Variants in ZFAT observed in about 807,000 individuals in gnomAD.
ZFAT encodes zinc finger and AT-hook domain containing, also known as zinc finger protein ZFAT.
A neutral mutation model predicts 117.7 loss-of-function variants in ZFAT; 64 were observed. The ratio of observed to expected loss-of-function variants is 0.54; its 90% CI spans 0.44 to 0.67. The LOEUF is 0.67. ZFAT is among the 30% of genes least tolerant of loss of function. ZFAT has a pLI of 0.00. For missense variants in ZFAT, 1,433 were observed against 1,584.5 expected, an observed-to-expected ratio of 0.90 and a Z score of 1.62; for synonymous variants, 679 against 615.0, an observed-to-expected ratio of 1.10 and a Z score of -1.54.
intron 12 of ZFAT, 22 bp downstream of exon 12, chr8:134,532,812 A>C: frequency 6.2e-7 from 1 of 1,607,440 alleles, no homozygotes; most frequent in Admixed American, 1.7e-5. Context: ...GCAGGGCCCC[A>C]GCTCGCTGGC....
the ZFAT span, among the ~76,000 whole-genome samples, chr8:134,768,807 CT>C: frequency 6.6e-6 from 1 of 152,210 alleles, no homozygotes; most frequent in Non-Finnish European, 1.5e-5. Context: ...CATGTTGTCA[CT>C]TTTCAAAACC....
rs1360903571 is a variant in ZFAT, at chr8:134,629,380, T to C, written c.448+8081A>G. On this transcript the variant is annotated intron_variant, in intron 3 of 15. Coordinates refer to ENST00000377838, the MANE Select transcript of ZFAT (RefSeq NM_020863.4). ...ACCATGCGGCCGTCACTAGTGACGGTCACCAAGCATTTCCAGGGCTCCCCT... is the reference window on the plus strand; with the variant it reads ...ACCATGCGGCCGTCACTAGTGACGGCCACCAAGCATTTCCAGGGCTCCCCT... 2.0e-5 allele frequency among the ~76,000 whole-genome samples: 3 copies of C among 151,946 alleles called. No homozygotes were observed. The East Asian group carries it at 5.8e-4, about 29-fold the overall frequency.
intron 2 of ZFAT, among the ~76,000 whole-genome samples, chr8:134,641,667 G>A (rs898891119): frequency 1.3e-5 from 2 of 152,214 alleles, no homozygotes; most frequent in Non-Finnish European, 2.9e-5. Context: ...GGTCTCGAAC[G>A]GAGCTGGATG....
the ZFAT span, among the ~76,000 whole-genome samples, chr8:134,750,418 A>T: frequency 6.6e-6 from 1 of 152,150 alleles, no homozygotes; most frequent in Non-Finnish European, 1.5e-5. Context: ...TTTTTTCCTT[A>T]CAACTCTTGT....
chr8:134,821,791 A>C, the ZFAT span, among the ~76,000 whole-genome samples: 1 of 152,150 alleles, frequency 6.6e-6, no homozygotes, highest in African/African-American at 2.4e-5. Flanking sequence ...ACTTGAGGAG[A>C]TCAAATTGGG....
Position 134,601,976 on chromosome 8 carries a change from C to T in ZFAT, c.1743G>A (p.Val581=). 1 of 1,613,744 alleles carries T rather than the reference C, an allele frequency of 6.2e-7. No homozygotes were observed. The highest frequency in any genetic ancestry group is 8.5e-7 in the Non-Finnish European group (1 of 1,179,942). Residue 581 remains valine (V), a synonymous_variant, in exon 6 of 16, where the codon GTG becomes GTA. Coordinates refer to ENST00000377838, the MANE Select transcript of ZFAT (RefSeq NM_020863.4). ...ALPPCELETT[V]VSSSDLHSQE... ...GAGAATGCAGGTCTGAGGAGGAGAC[C>T]ACGGTGGTTTCCAGCTCACAGGGTG...
At chr8:134,627,292 G>A (rs538898495) in intron 3 of ZFAT, among the ~76,000 whole-genome samples, 1 of 152,300 alleles carries the variant, frequency 6.6e-6, no homozygotes, top group African/African-American at 2.4e-5. Context: ...AGTGGACCTG[G>A]GGCAATGAGA....
chr8:134,632,185 A>T (rs1238637496), intron 3 of ZFAT, among the ~76,000 whole-genome samples: 1 of 152,198 alleles, frequency 6.6e-6, no homozygotes, highest in Non-Finnish European at 1.5e-5. Context: ...ACATGAGGAG[A>T]ATGAAGATGA....
chr8:134,639,868 T>C (rs987844103), intron 2 of ZFAT: 2 of 434,684 alleles, frequency 4.6e-6, no homozygotes, highest in Middle Eastern at 3.5e-4. Context: ...GACTCTGCCA[T>C]CCCGCAGACA....
chr8:134,592,796 C>T (rs922366435), intron 7 of ZFAT, among the ~76,000 whole-genome samples: 4 of 152,114 alleles, frequency 2.6e-5, no homozygotes, highest in Non-Finnish European at 4.4e-5. Context: ...TGTTCCCCAG[C>T]GTACACTTAG....
chr8:134,820,084 T>C, the ZFAT span, among the ~76,000 whole-genome samples: 10 of 152,252 alleles, frequency 6.6e-5, no homozygotes, highest in Non-Finnish European at 1.2e-4. Context: ...TGCTGATTAA[T>C]AGATTTATGA....
intron 10 of ZFAT, among the ~76,000 whole-genome samples, chr8:134,574,977 G>C (rs1454737583): frequency 6.6e-6 from 1 of 151,060 alleles, no homozygotes; most frequent in Non-Finnish European, 1.5e-5. Context: ...TTCCTAATAG[G>C]AGAATATTTG....
chr8:134,829,491 A>G, the ZFAT span, among the ~76,000 whole-genome samples: 2 of 152,234 alleles, frequency 1.3e-5, no homozygotes, highest in Non-Finnish European at 2.9e-5. Flanking sequence ...GTAAAGAGAG[A>G]ACTCAAAGAA....
chr8:134,817,269 CAA>C, the ZFAT span, among the ~76,000 whole-genome samples: 1 of 152,064 alleles, frequency 6.6e-6, no homozygotes, highest in African/African-American at 2.4e-5. Flanking sequence ...AATTCTATCT[CAA>C]GACTGTAAGA....
At chr8:134,768,862 A>T in the ZFAT span, among the ~76,000 whole-genome samples, 2 of 152,196 alleles carry the variant, frequency 1.3e-5, no homozygotes, top group Non-Finnish European at 2.9e-5. Context: ...AATTTACTCC[A>T]GCATTAACTC....
At chr8:134,572,028 A>G (rs544811923) in intron 10 of ZFAT, among the ~76,000 whole-genome samples, 60 of 152,370 alleles carry the variant, frequency 3.9e-4, no homozygotes, top group African/African-American at 1.2e-3. Flanking sequence ...CCCCTGCCAC[A>G]TAAGTTAAAA....
chr8:134,806,313 TAACTC>T, the ZFAT span, among the ~76,000 whole-genome samples: 3 of 152,212 alleles, frequency 2.0e-5, no homozygotes, highest in Non-Finnish European at 4.4e-5. Context: ...ATGTTGTAAA[TAACTC>T]TACCCATTAT....
chr8:134,809,725 G>A, the ZFAT span, among the ~76,000 whole-genome samples: 1 of 152,192 alleles, frequency 6.6e-6, no homozygotes, highest in South Asian at 2.1e-4. Flanking sequence ...GCATAGGAAT[G>A]CTTCAAACCT....
chr8:134,660,939 T>C (rs1434651985), intron 1 of ZFAT, among the ~76,000 whole-genome samples: 1 of 151,420 alleles, frequency 6.6e-6, no homozygotes, highest in Non-Finnish European at 1.5e-5. Flanking sequence ...TGTTATGAAT[T>C]TGCATTAACA....
Sources: gnomAD v4.1 joint callset for allele counts (sites outside exome capture counted in the v4.1 genomes callset) on GRCh38, gnomAD v4.1.1 for gene constraint, MANE v1.5 for transcripts, NCBI Gene and HGNC (gene_info 2026-07-23, HGNC 2026-07-21) for gene names.